The following C1orf87 variants were observed in gnomAD, a reference collection of about 807,000 sequenced individuals.
The protein encoded by C1orf87 is uncharacterized protein C1orf87.
Under a neutral mutation model 60.5 loss-of-function variants are expected in C1orf87, and 58 were observed. The observed-to-expected ratio is 0.96, with a 90% CI of 0.78 to 1.19. C1orf87 has a LOEUF of 1.19. Among genes scored for constraint, C1orf87 ranks in the 50% most tolerant of loss-of-function variants. The pLI is 0.00. For synonymous variants in C1orf87, 236 were observed against 227.4 expected (o/e 1.04, Z -0.34); for missense variants, 673 against 638.6 (o/e 1.05, Z -0.58).
chr1:60,065,000 T>TA, intron 2 of C1orf87, among the ~76,000 whole-genome samples: 1 of 44,884 alleles, frequency 2.2e-5, no homozygotes. Flanking sequence ...TACATATAAA[T>TA]ATTAAATATA....
At chr1:59,995,244 A>T (rs1644955352) in intron 11 of C1orf87, among the ~76,000 whole-genome samples, 2 of 152,030 alleles carry the variant, frequency 1.3e-5, no homozygotes, top group Admixed American at 1.3e-4. Context: ...TCATTTTTTT[A>T]AAAAATGTTT....
intron 8 of C1orf87, among the ~76,000 whole-genome samples, chr1:60,020,482 C>A (rs1184201812): frequency 1.3e-5 from 2 of 152,172 alleles, no homozygotes; most frequent in African/African-American, 2.4e-5. Context: ...GGAGCCCAAC[C>A]CTTGCATCAG....
chr1:60,006,229 A>G (rs1365187638), intron 9 of C1orf87, among the ~76,000 whole-genome samples: 5 of 152,060 alleles, frequency 3.3e-5, no homozygotes, highest in African/African-American at 1.2e-4. Context: ...AACAGGAGGT[A>G]AGGCATATCA....
rs150042160 is a variant in C1orf87, at chr1:60,072,153, A to C, written c.107+384T>G. 3.2e-3 allele frequency among the ~76,000 whole-genome samples: 481 copies of C among 152,308 alleles called. 1 individual carries two copies. Among genetic ancestry groups the C allele is most frequent in the African/African-American group, 0.011 (453 of 41,564 alleles). On this transcript the variant is annotated intron_variant, in intron 2 of 11. Coordinates refer to ENST00000371201, the MANE Select transcript of C1orf87 (RefSeq NM_152377.3). ...CCTTACAATTTATGATTCTGTATTA[A>C]TCCTACTCCTGTAATTCACAACAAA... is the stretch of plus-strand genomic sequence containing the variant.
chr1:60,056,022 G>A (rs2100320381), intron 2 of C1orf87, among the ~76,000 whole-genome samples: 1 of 152,158 alleles, frequency 6.6e-6, no homozygotes, highest in Admixed American at 6.5e-5. Context: ...GAGGCGGGTG[G>A]ATCATGAGGT....
At chr1:60,068,586 A>C (rs1645564298) in intron 2 of C1orf87, among the ~76,000 whole-genome samples, 1 of 152,128 alleles carries the variant, frequency 6.6e-6, no homozygotes, top group Non-Finnish European at 1.5e-5. Flanking sequence ...TTTGTGAAAA[A>C]GTTGTGCCCA....
chr1:60,062,718 GTTAA>G (rs1267472418), intron 2 of C1orf87, among the ~76,000 whole-genome samples: 1 of 152,054 alleles, frequency 6.6e-6, no homozygotes, highest in Non-Finnish European at 1.5e-5. Flanking sequence ...GCATTTAGGA[GTTAA>G]TTATTTTTCT....
At chr1:59,993,238 A>G (rs1347709966) in intron 11 of C1orf87, among the ~76,000 whole-genome samples, 3 of 137,390 alleles carry the variant, frequency 2.2e-5, no homozygotes, top group Non-Finnish European at 4.4e-5. Context: ...ATAAATAAAT[A>G]CATAAATACA....
At chr1:60,034,792 G>T (rs1206205128) in intron 6 of C1orf87, among the ~76,000 whole-genome samples, 2 of 152,000 alleles carry the variant, frequency 1.3e-5, no homozygotes, top group Non-Finnish European at 2.9e-5. Flanking sequence ...TTTCAAGTCT[G>T]ACTTCCTCCC....
intron 7 of C1orf87, among the ~76,000 whole-genome samples, chr1:60,031,986 A>G (rs1574310943): frequency 1.8e-5 from 1 of 56,656 alleles, no homozygotes; most frequent in East Asian, 3.7e-4. Context: ...ATTCAAACAC[A>G]CACACACACA....
chr1:60,002,157 T>C (rs1645010668), intron 9 of C1orf87, among the ~76,000 whole-genome samples: 1 of 152,106 alleles, frequency 6.6e-6, no homozygotes, highest in African/African-American at 2.4e-5. Flanking sequence ...CTATTTTTAA[T>C]AAAAATGATT....
intron 3 of C1orf87, among the ~76,000 whole-genome samples, chr1:60,054,448 C>T (rs1645438043): frequency 6.6e-6 from 1 of 152,294 alleles, no homozygotes; most frequent in East Asian, 1.9e-4. Flanking sequence ...AAATTACAAA[C>T]TAAAAATAGT....
chr1:60,006,687 T>A (rs1229885332), intron 9 of C1orf87, among the ~76,000 whole-genome samples: 1 of 152,026 alleles, frequency 6.6e-6, no homozygotes, highest in African/African-American at 2.4e-5. Flanking sequence ...GAAATACTAT[T>A]TTAGACTTTA....
chr1:60,036,475 T>C (rs1186846016), intron 6 of C1orf87, among the ~76,000 whole-genome samples: 4 of 152,210 alleles, frequency 2.6e-5, no homozygotes, highest in Non-Finnish European at 4.4e-5. Context: ...AGAAGAATAG[T>C]TAAAAATAAT....
At chr1:60,064,921 T>C (rs1236995735) in intron 2 of C1orf87, among the ~76,000 whole-genome samples, 5 of 81,652 alleles carry the variant, frequency 6.1e-5, no homozygotes, top group Admixed American at 2.0e-4. Flanking sequence ...TATTTTATAT[T>C]ATATAATATA....
intron 8 of C1orf87, among the ~76,000 whole-genome samples, chr1:60,015,230 T>C (rs1481294078): frequency 1.3e-5 from 2 of 152,104 alleles, no homozygotes; most frequent in African/African-American, 4.8e-5. Context: ...AGTGTTCTTA[T>C]AAAGGAGGCC....
At position 60,001,132 on chromosome 1, in the gene C1orf87, G is replaced by A; in HGVS notation, c.1217C>T (p.Ala406Val). ...GGGGACTTCAGGCTCCATTGGAGGG[G>A]CAGGGGCTTTCTTTTCATTCTTCCC... The part of the protein sequence containing the change: ...PTGKNEKKAP[A>V]PPMEPEVPEM... Residue 406 changes from alanine to valine, a missense_variant, in exon 10 of 12, where the codon GCC becomes GTC. Ala to Val is a moderately conservative substitution (Grantham distance 64). Transcript: ENST00000371201. The A allele has an allele frequency of 3.1e-6, 5 of 1,591,492 alleles. No individual in the cohort carries two copies. Among genetic ancestry groups the A allele is most frequent in the Admixed American group, 1.8e-5 (1 of 54,510 alleles).
At chr1:60,015,659 T>G (rs977196890) in intron 8 of C1orf87, among the ~76,000 whole-genome samples, 1 of 152,184 alleles carries the variant, frequency 6.6e-6, no homozygotes, top group African/African-American at 2.4e-5. Context: ...TGGTGTCTTT[T>G]TGTGTGTCCA....
In C1orf87 at chr1:60,048,187, G is replaced by A. The variant is rs576580652; in HGVS notation, c.342+7017C>T. On this transcript the variant is annotated intron_variant, in intron 3 of 11. Transcript: ENST00000371201. The stretch of plus-strand genomic sequence containing the variant: ...TGATTGTGTACAATCAATCTCTCTC[G>A]GATCACTCATTTTGTGAGAAGCCAG... 2.5e-4 allele frequency among the ~76,000 whole-genome samples: 38 copies of A among 152,118 alleles called. 1 individual carries two copies. The highest frequency in any genetic ancestry group is 1.0e-3 in the Admixed American group (16 of 15,258).
Sources: allele counts gnomAD v4.1 joint callset (sites outside exome capture counted in the v4.1 genomes callset), GRCh38; gene constraint gnomAD v4.1.1; transcripts MANE v1.5; gene names NCBI Gene and HGNC (gene_info 2026-07-23, HGNC 2026-07-21).